The following EXOC6 variants were observed in gnomAD, a reference collection of about 807,000 sequenced individuals.
EXOC6 encodes SEC15-like 1.
A neutral mutation model predicts 112.5 loss-of-function variants in EXOC6; 60 were observed. The observed-to-expected ratio is 0.53, with a 90% confidence interval of 0.43 to 0.66. The LOEUF (loss-of-function observed/expected upper bound fraction) is 0.66, where lower values mean the gene tolerates loss of function less well. EXOC6 is among the 30% of genes least tolerant of loss of function. The pLI is 0.00. For synonymous variants in EXOC6, 295 were observed against 308.0 expected, an observed-to-expected ratio of 0.96 and a Z score of 0.44; for missense variants, 855 against 957.1, an observed-to-expected ratio of 0.89 and a Z score of 1.41.
At chr10:92,984,878 A>G (rs1414455841) in intron 18 of EXOC6, among the ~76,000 whole-genome samples, 1 of 152,106 alleles carries the variant, frequency 6.6e-6, no homozygotes, top group East Asian at 1.9e-4. Flanking sequence ...ACACACCTGT[A>G]GTCCCAGCTA....
intron 19 of EXOC6, among the ~76,000 whole-genome samples, chr10:93,007,708 T>C (rs9419757): frequency 0.01 from 1,577 of 152,312 alleles, 29 homozygotes; most frequent in African/African-American, 0.036. Context: ...GATAGTTTTG[T>C]TATAATCACA....
At chr10:92,975,630 C>CCG (rs1842531375) in intron 18 of EXOC6, among the ~76,000 whole-genome samples, 1 of 139,224 alleles carries the variant, frequency 7.2e-6, no homozygotes. Flanking sequence ...GGTCAGCCCC[C>CCG]TGCCCGGCCA....
At chr10:92,952,071 G>C (rs961214265) in intron 14 of EXOC6, among the ~76,000 whole-genome samples, 4 of 152,088 alleles carry the variant, frequency 2.6e-5, no homozygotes, top group African/African-American at 9.7e-5. Flanking sequence ...CTGATAATAT[G>C]ATTTAAGAAA....
chr10:92,913,311 T>A (rs1850903960), intron 6 of EXOC6, among the ~76,000 whole-genome samples: 1 of 152,222 alleles, frequency 6.6e-6, no homozygotes. Flanking sequence ...TGTTTCCCCC[T>A]CTACATAGCT....
intron 19 of EXOC6, among the ~76,000 whole-genome samples, chr10:93,012,868 CA>C (rs200647145): frequency 7.3e-5 from 11 of 151,478 alleles, no homozygotes; most frequent in Admixed American, 1.3e-4. Context: ...CTATCTCTAC[CA>C]AAAAAACCCC....
At chr10:92,974,623 C>G (rs1161374491) in intron 18 of EXOC6, among the ~76,000 whole-genome samples, 2 of 43,192 alleles carry the variant, frequency 4.6e-5, no homozygotes, top group Non-Finnish European at 7.6e-5. Context: ...CGAGCCGAAG[C>G]TGCACTGTAC....
At chr10:92,992,973 CTG>C (rs1337539496) in intron 18 of EXOC6, among the ~76,000 whole-genome samples, 2 of 151,388 alleles carry the variant, frequency 1.3e-5, no homozygotes, top group Admixed American at 6.6e-5. Context: ...CTGAAAAAGA[CTG>C]TTTCATATTC....
At chr10:92,872,570 G>A (rs1011836365) in intron 1 of EXOC6, among the ~76,000 whole-genome samples, 14 of 152,020 alleles carry the variant, frequency 9.2e-5, no homozygotes, top group Non-Finnish European at 1.2e-4. Context: ...TGGATTGAGA[G>A]AGATATGTTA....
At chr10:92,915,720 G>T in intron 6 of EXOC6, 38 bp from the exon 7 acceptor site, 1 of 1,446,166 alleles carries the variant, frequency 6.9e-7, no homozygotes, top group Non-Finnish European at 9.1e-7. Context: ...ACCATAATCA[G>T]TTTTGAAATA....
chr10:92,943,024 ATT>A (rs202118303), intron 13 of EXOC6, among the ~76,000 whole-genome samples: 2 of 144,152 alleles, frequency 1.4e-5, no homozygotes, highest in Admixed American at 7.0e-5. Flanking sequence ...TTTTTGCCTA[ATT>A]TTTTTTTTTT....
chr10:92,865,766 A>G (rs796089220), intron 1 of EXOC6, among the ~76,000 whole-genome samples: 19 of 152,202 alleles, frequency 1.2e-4, no homozygotes, highest in African/African-American at 4.6e-4. Flanking sequence ...CTAATGGCCT[A>G]CTGTTGACTG....
intron 1 of EXOC6, among the ~76,000 whole-genome samples, chr10:92,850,251 T>C (rs778251751): frequency 1.3e-5 from 2 of 152,242 alleles, no homozygotes; most frequent in Admixed American, 6.5e-5. Flanking sequence ...TTGAAATATA[T>C]TGAGAGATTT....
chr10:92,848,194 G>A (rs562156443), upstream of EXOC6, among the ~76,000 whole-genome samples: 1 of 152,144 alleles, frequency 6.6e-6, no homozygotes, highest in South Asian at 2.1e-4. Flanking sequence ...GTACCCCCGC[G>A]TGTGGCACAG....
At chr10:92,848,702 G>A in intron 1 of EXOC6, 68 bp downstream of exon 1, 3 of 1,186,052 alleles carry the variant, frequency 2.5e-6, no homozygotes, top group South Asian at 2.3e-5. Flanking sequence ...CGAGCCGGGC[G>A]GGGCGTCCGC....
At chr10:93,054,477 T>A (rs1846455923) in intron 20 of EXOC6, among the ~76,000 whole-genome samples, 1 of 152,240 alleles carries the variant, frequency 6.6e-6, no homozygotes, top group South Asian at 2.1e-4. Context: ...TGAAAGCATA[T>A]AGATTTGTCT....
At chr10:92,945,457 A>G (rs76062069) in intron 13 of EXOC6, among the ~76,000 whole-genome samples, 2,224 of 152,284 alleles carry the variant, frequency 0.015, 55 homozygotes, top group African/African-American at 0.051. Context: ...GACCAATGCC[A>G]TGGAGCTATT....
chr10:92,827,453 G>A (rs1018207154), intron 1 of EXOC6, among the ~76,000 whole-genome samples: 1 of 111,594 alleles, frequency 9.0e-6, no homozygotes, highest in Admixed American at 1.4e-4. Flanking sequence ...CAGCCTGGGC[G>A]ACAGAGTGAG....
intron 19 of EXOC6, among the ~76,000 whole-genome samples, chr10:93,002,609 C>A (rs1843805814): frequency 6.6e-6 from 1 of 152,144 alleles, no homozygotes; most frequent in African/African-American, 2.4e-5. Context: ...TCCTTTGTAT[C>A]TATTTAGGTC....
intron 1 of EXOC6, among the ~76,000 whole-genome samples, chr10:92,840,355 A>G (rs1349202689): frequency 1.3e-5 from 2 of 152,210 alleles, no homozygotes; most frequent in Non-Finnish European, 2.9e-5. Flanking sequence ...TTTTGGCCTT[A>G]GTTTCTGAAA....
Sources: gnomAD v4.1 joint callset for allele counts (sites outside exome capture counted in the v4.1 genomes callset) on GRCh38, gnomAD v4.1.1 for gene constraint, MANE v1.5 for transcripts, NCBI Gene and HGNC (gene_info 2026-07-23, HGNC 2026-07-21) for gene names.